Variants in SH3KBP1 observed in about 807,000 individuals in gnomAD.
The protein encoded by SH3KBP1 is SH3 domain-containing kinase-binding protein 1.
A neutral mutation model predicts 50.1 loss-of-function variants in SH3KBP1; 8 were observed. The observed-to-expected ratio is 0.16, with a 90% confidence interval of 0.09 to 0.29. The LOEUF (loss-of-function observed/expected upper bound fraction) is 0.29, where lower values mean the gene tolerates loss of function less well. Ranked by LOEUF, SH3KBP1 falls within the 10% of genes least tolerant of loss-of-function variation. SH3KBP1 has a pLI of 1.00. For missense variants in SH3KBP1, 377 were observed against 535.2 expected (o/e 0.70, Z 2.92); for synonymous variants, 227 against 218.6 (o/e 1.04, Z -0.34).
intron 8 of SH3KBP1, among the ~76,000 whole-genome samples, chrX:19,628,865 G>A (rs779583661): frequency 9.0e-6 from 1 of 111,327 alleles, no homozygotes; most frequent in East Asian, 2.8e-4. Flanking sequence ...GGGAGGCTGA[G>A]GCGCGTGGAT....
At chrX:19,562,243 C>A (rs911010598) in intron 13 of SH3KBP1, among the ~76,000 whole-genome samples, 1 of 111,490 alleles carries the variant, frequency 9.0e-6, no homozygotes, top group Non-Finnish European at 1.9e-5. Context: ...TGCCTGAGCA[C>A]AATTTTCTGG....
At chrX:19,567,573 T>TATATATATATA (rs1320752113) in intron 13 of SH3KBP1, among the ~76,000 whole-genome samples, 1 of 79,972 alleles carries the variant, frequency 1.3e-5, no homozygotes, top group African/African-American at 5.2e-5. Flanking sequence ...TATATATATA[T>TATATATATATA]TGCATAGAGC....
chrX:19,594,690 G>T (rs1459928889), intron 10 of SH3KBP1, among the ~76,000 whole-genome samples: 1 of 110,945 alleles, frequency 9.0e-6, no homozygotes, highest in African/African-American at 3.3e-5. Flanking sequence ...TTGTTTGTTT[G>T]TTTTAATTCT....
At chrX:19,648,302 G>A (rs1339222243) in intron 6 of SH3KBP1, among the ~76,000 whole-genome samples, 5 of 106,802 alleles carry the variant, frequency 4.7e-5, no homozygotes, top group Non-Finnish European at 7.7e-5. Context: ...AGGAGAAGGA[G>A]GGAAGGAAGG....
At chrX:19,758,163 T>C (rs1370929145) in intron 2 of SH3KBP1, among the ~76,000 whole-genome samples, 1 of 108,543 alleles carries the variant, frequency 9.2e-6, no homozygotes, top group African/African-American at 3.3e-5. Context: ...CCGCCTCTAC[T>C]AAAAATACAA....
chrX:19,594,002 G>C (rs1340272796), intron 10 of SH3KBP1, among the ~76,000 whole-genome samples: 1 of 111,974 alleles, frequency 8.9e-6, no homozygotes, highest in Admixed American at 9.5e-5. Context: ...AAAGGGAATG[G>C]GAAAGGAATT....
chrX:19,594,841 A>G lies in SH3KBP1; in HGVS notation c.1057+108T>C, dbSNP rs187796870. 14 of 604,648 alleles carry G rather than the reference A, an allele frequency of 2.3e-5. No individual in the cohort carries two copies. In the East Asian group the frequency reaches 4.6e-4, roughly 20 times the overall value. The allele number at this position is 604,648 out of a possible 1,213,427, so 49.8% of individuals were successfully genotyped here. On this transcript the variant is annotated intron_variant, in intron 10 of 17. Coordinates refer to ENST00000397821, the MANE Select transcript of SH3KBP1 (RefSeq NM_031892.3). ...CAAATCGTAACTTCCCAAGTAGTCA[A>G]TCTATGGCACTTGAACCAGGAATCC...
chrX:19,660,748 C>G (rs1162775492), intron 6 of SH3KBP1, among the ~76,000 whole-genome samples: 1 of 111,999 alleles, frequency 8.9e-6, no homozygotes, highest in East Asian at 2.8e-4. Context: ...GAACAGAAAG[C>G]CTTTTATTGA....
intron 4 of SH3KBP1, among the ~76,000 whole-genome samples, chrX:19,706,236 G>A (rs1219939953): frequency 1.8e-5 from 2 of 111,434 alleles, no homozygotes; most frequent in African/African-American, 6.5e-5. Context: ...TTCTAAGCCT[G>A]AAACCCAGGA....
intron 6 of SH3KBP1, among the ~76,000 whole-genome samples, chrX:19,650,708 C>T: frequency 8.9e-6 from 1 of 112,391 alleles, no homozygotes; most frequent in East Asian, 2.8e-4. Context: ...TGAGAGGATT[C>T]CTTCCCTTTC....
At chrX:19,669,174 G>A (rs1243770799) in intron 6 of SH3KBP1, among the ~76,000 whole-genome samples, 1 of 101,596 alleles carries the variant, frequency 9.8e-6, no homozygotes, top group Non-Finnish European at 2.0e-5. Flanking sequence ...CCATGTTGCC[G>A]AGGCTAGTCT....
chrX:19,810,537 A>G (rs771942032), intron 2 of SH3KBP1, among the ~76,000 whole-genome samples: 13 of 111,958 alleles, frequency 1.2e-4, no homozygotes, highest in Non-Finnish European at 2.1e-4. Flanking sequence ...CCTGAGAACC[A>G]TCACTTGTCA....
At chrX:19,668,023 G>C (rs1239686727) in intron 6 of SH3KBP1, among the ~76,000 whole-genome samples, 3 of 110,802 alleles carry the variant, frequency 2.7e-5, no homozygotes, top group Non-Finnish European at 5.7e-5. Context: ...AGTTATCCTT[G>C]GGAGATTGTT....
chrX:19,723,224 G>C (rs1350692603), intron 3 of SH3KBP1, among the ~76,000 whole-genome samples: 1 of 109,396 alleles, frequency 9.1e-6, no homozygotes, highest in Non-Finnish European at 1.9e-5. Context: ...TTATACTCCA[G>C]ATAACTCACA....
At position 19,687,419 on chromosome X, in the gene SH3KBP1, G is replaced by A. The variant is rs536738848; in HGVS notation, c.521-3391C>T. ...CAGAAAGCAAACAAAAGCGCCAGGGGCTGGTGCTGGGAATGCTTCTTAGCA... is the reference window on the plus strand; with the variant it reads ...CAGAAAGCAAACAAAAGCGCCAGGGACTGGTGCTGGGAATGCTTCTTAGCA... On this transcript the variant is annotated intron_variant, in intron 5 of 17. Transcript: ENST00000397821. 3.0e-4 allele frequency among the ~76,000 whole-genome samples: 34 copies of A among 112,550 alleles called. No homozygotes were observed. In the South Asian group the frequency reaches 0.012, roughly 40 times the overall value.
chrX:19,542,256 G>C, intron 15 of SH3KBP1, 63 bp from the exon 16 acceptor site: 8 of 1,055,216 alleles, frequency 7.6e-6, no homozygotes, highest in Non-Finnish European at 1.0e-5. Context: ...TCTTTGTCCT[G>C]GTTAGTCAAA....
chrX:19,803,379 T>A (rs1381475425), intron 2 of SH3KBP1, among the ~76,000 whole-genome samples: 2 of 111,328 alleles, frequency 1.8e-5, no homozygotes, highest in Non-Finnish European at 3.8e-5. Context: ...CTGGCTAATT[T>A]TTAAATTTAG....
intron 1 of SH3KBP1, among the ~76,000 whole-genome samples, chrX:19,860,942 T>C (rs2068760566): frequency 8.9e-6 from 1 of 111,983 alleles, no homozygotes; most frequent in African/African-American, 3.2e-5. Flanking sequence ...ATAGCAATGT[T>C]GATTTCCTGA....
chrX:19,668,935 A>AATATATATATATATATATATATATATAT (rs56844238), intron 6 of SH3KBP1, among the ~76,000 whole-genome samples: 1 of 32,863 alleles, frequency 3.0e-5, no homozygotes, highest in Non-Finnish European at 6.2e-5. Flanking sequence ...GATTGAGGGT[A>AATATATATATATATATATATATATATAT]ATATATATAT....
Sources: allele counts gnomAD v4.1 joint callset (sites outside exome capture counted in the v4.1 genomes callset), GRCh38; gene constraint gnomAD v4.1.1; transcripts MANE v1.5; gene names NCBI Gene and HGNC (gene_info 2026-07-23, HGNC 2026-07-21).